Variants in SYAP1 observed in about 807,000 individuals in gnomAD.
The protein encoded by SYAP1 is synapse-associated protein 1.
In SYAP1, 3 loss-of-function variants were observed where a neutral mutation model predicts 29.6. The ratio of observed to expected loss-of-function variants is 0.10; its 90% CI spans 0.05 to 0.26. SYAP1 has a LOEUF of 0.26. Ranked by LOEUF, SYAP1 falls within the 10% of genes least tolerant of loss-of-function variation. SYAP1 has a pLI of 1.00. For synonymous variants in SYAP1, 102 were observed against 102.7 expected (o/e 0.99, Z 0.04); for missense variants, 217 against 264.1 (o/e 0.82, Z 1.24).
intron 5 of SYAP1, among the ~76,000 whole-genome samples, chrX:16,752,364 GATTATTATTATTATT>G (rs202245644): frequency 1.2e-4 from 12 of 96,128 alleles, no homozygotes; most frequent in Admixed American, 6.1e-4. Flanking sequence ...GTTATCAATG[GATTATTATTATTATT>G]ATTATTATTA....
intron 1 of SYAP1, among the ~76,000 whole-genome samples, chrX:16,732,766 G>A (rs774878793): frequency 3.3e-4 from 37 of 111,839 alleles, no homozygotes; most frequent in Non-Finnish European, 4.3e-4. Context: ...CTCAATCTTA[G>A]CATTTGTTCT....
intron 1 of SYAP1, among the ~76,000 whole-genome samples, chrX:16,725,842 TAAA>T (rs1178026827): frequency 8.9e-6 from 1 of 112,461 alleles, no homozygotes; most frequent in Admixed American, 9.5e-5. Context: ...ATGATTATGC[TAAA>T]ATACCAGTTT....
chrX:16,763,865 G>T lies in SYAP1; in HGVS notation c.*3506G>T. ...CTTGCAGTATTTTATTTGCCTCTTTGACGGCTTTTTTTTTTTTTTTTTTTT... is the reference window on the plus strand; with the variant it reads ...CTTGCAGTATTTTATTTGCCTCTTTTACGGCTTTTTTTTTTTTTTTTTTTT... On this transcript the variant is annotated 3_prime_UTR_variant, in exon 9 of 9. Transcript: ENST00000380155. 1 of 96,334 alleles carries T rather than the reference G, an allele frequency of 1.0e-5. No individual in the cohort carries two copies. Among genetic ancestry groups the T allele is most frequent in the Non-Finnish European group, 2.0e-5 (1 of 49,912 alleles). The allele number at this position is 96,334 out of a possible 1,213,427, so 7.9% of individuals were successfully genotyped here.
At chrX:16,753,402 A>G (rs762331556) in intron 5 of SYAP1, among the ~76,000 whole-genome samples, 1 of 110,321 alleles carries the variant, frequency 9.1e-6, no homozygotes, top group African/African-American at 3.3e-5. Context: ...TGACAGAGTG[A>G]GACTTTGTCT....
chrX:16,744,494 G>A (rs993975706), intron 5 of SYAP1, among the ~76,000 whole-genome samples: 2 of 112,599 alleles, frequency 1.8e-5, no homozygotes, highest in African/African-American at 3.2e-5. Flanking sequence ...TATGGGTGCA[G>A]TATCTTACTG....
rs1926330659 is a variant in SYAP1, at chrX:16,736,473, G to T, written c.361+241G>T. 10 of 310,098 alleles carry T rather than the reference G, an allele frequency of 3.2e-5. No homozygotes were observed. In the South Asian group the frequency reaches 8.4e-4, roughly 26 times the overall value. 25.6% of individuals were successfully genotyped at this position (310,098 alleles called of 1,213,427 possible). ...CCCCACTGGGGAGCTGGCTGTGAAA[G>T]GGGCAAGTAAGCTTTCAGTTCTGAC... On this transcript the variant is annotated intron_variant, in intron 3 of 8. Coordinates refer to ENST00000380155, the MANE Select transcript of SYAP1 (RefSeq NM_032796.4).
chrX:16,723,463 G>A (rs752555106), intron 1 of SYAP1, among the ~76,000 whole-genome samples: 4 of 111,867 alleles, frequency 3.6e-5, no homozygotes, highest in Non-Finnish European at 5.6e-5. Flanking sequence ...ACCTGAGGCT[G>A]TGGGGTAGAA....
At chrX:16,746,980 A>C (rs1044010760) in intron 5 of SYAP1, among the ~76,000 whole-genome samples, 1 of 111,984 alleles carries the variant, frequency 8.9e-6, no homozygotes, top group African/African-American at 3.2e-5. Context: ...AAAAAGTATT[A>C]TTTTTTAGAG....
At chrX:16,742,920 A>ATT (rs761130108) in intron 4 of SYAP1, among the ~76,000 whole-genome samples, 404 of 62,782 alleles carry the variant, frequency 6.4e-3, no homozygotes, top group Non-Finnish European at 7.1e-3. Context: ...GTCCGCTTCT[A>ATT]TTTTTTTTTT....
chrX:16,738,723 GGA>G (rs955529738), intron 3 of SYAP1, among the ~76,000 whole-genome samples: 7 of 111,803 alleles, frequency 6.3e-5, no homozygotes, highest in African/African-American at 2.3e-4. Flanking sequence ...TGGACAACTA[GGA>G]GAGAGAAGTA....
At chrX:16,748,369 C>G (rs972132899) in intron 5 of SYAP1, among the ~76,000 whole-genome samples, 3 of 112,721 alleles carry the variant, frequency 2.7e-5, no homozygotes, top group East Asian at 2.8e-4. Context: ...GGTTTCCAGA[C>G]TTTTCCTGCC....
intron 1 of SYAP1, among the ~76,000 whole-genome samples, chrX:16,729,485 AT>A (rs200479115): frequency 0.43 from 39,733 of 92,954 alleles, 8,490 homozygotes; most frequent in African/African-American, 0.73. Context: ...GATTTTATCG[AT>A]TTTTTTTTTT....
rs1246083928 is a variant in SYAP1 at position 16,746,306 on chromosome X, G to A, written c.575+2466G>A. Among the ~76,000 whole-genome samples the A allele has an allele frequency of 1.9e-5, 2 of 104,834 alleles. 1 individual carries two copies. Among genetic ancestry groups the A allele is most frequent in the South Asian group, 8.5e-4 (2 of 2,342 alleles). 91.0% of individuals were successfully genotyped at this position (104,834 alleles called of 115,157 possible). A position where few individuals can be genotyped will look rare whatever the true frequency, so the allele number is the denominator to read the frequency against. ...GGCTGGAGTGCAATGGCGTGATCTC[G>A]GCTCACTGCAACCTCCGCCTCCTGG... On this transcript the variant is annotated intron_variant, in intron 5 of 8. Coordinates refer to ENST00000380155, the MANE Select transcript of SYAP1 (RefSeq NM_032796.4).
intron 3 of SYAP1, 93 bp from the exon 4 acceptor site, chrX:16,741,623 C>A: frequency 1.7e-6 from 1 of 592,954 alleles, no homozygotes; most frequent in South Asian, 3.5e-5. Flanking sequence ...AGTGGTCATG[C>A]AGAAACTTTC....
Position 16,763,753 on chromosome X carries a change from G to A in SYAP1, c.*3394G>A, listed in dbSNP as rs780506590. Reference sequence around the variant, plus strand: ...ATTTAAGATGCACTATTGTAATCAAGATGATTTGCTTTAATCAAAATATTG... The same window carrying A: ...ATTTAAGATGCACTATTGTAATCAAAATGATTTGCTTTAATCAAAATATTG... On this transcript the variant is annotated 3_prime_UTR_variant, in exon 9 of 9. Coordinates refer to ENST00000380155, the MANE Select transcript of SYAP1 (RefSeq NM_032796.4). 9.0e-6 allele frequency: 1 copy of A among 111,548 alleles called. No individual in the cohort carries two copies. Among genetic ancestry groups the A allele is most frequent in the East Asian group, 2.8e-4 (1 of 3,573 alleles). The allele number at this position is 111,548 out of a possible 1,213,427, so 9.2% of individuals were successfully genotyped here. A position where few individuals can be genotyped will look rare whatever the true frequency, so the allele number is the denominator to read the frequency against.
chrX:16,752,432 T>G (rs1336294912), intron 5 of SYAP1, among the ~76,000 whole-genome samples: 1 of 107,086 alleles, frequency 9.3e-6, no homozygotes, highest in Admixed American at 1.0e-4. Context: ...ATGGAAAAAT[T>G]GGAGGTACAA....
At chrX:16,756,532 A>G in intron 6 of SYAP1, 131 bp from the exon 7 acceptor site, 1 of 568,540 alleles carries the variant, frequency 1.8e-6, no homozygotes, top group Non-Finnish European at 2.8e-6. Flanking sequence ...AGAAAAGCTG[A>G]AAGCATAACA....
chrX:16,753,962 C>A (rs760946667), intron 5 of SYAP1, among the ~76,000 whole-genome samples: 4 of 110,912 alleles, frequency 3.6e-5, no homozygotes, highest in African/African-American at 1.3e-4. Flanking sequence ...AGGCCACCCC[C>A]CTGTGTGGAC....
intron 8 of SYAP1, among the ~76,000 whole-genome samples, chrX:16,759,550 C>T (rs1287716568): frequency 9.0e-6 from 1 of 111,633 alleles, no homozygotes; most frequent in Non-Finnish European, 1.9e-5. Flanking sequence ...GAGCTCCAGT[C>T]AGAACACCAT....
Sources: gnomAD v4.1 joint callset for allele counts (sites outside exome capture counted in the v4.1 genomes callset) on GRCh38, gnomAD v4.1.1 for gene constraint, MANE v1.5 for transcripts, NCBI Gene and HGNC (gene_info 2026-07-23, HGNC 2026-07-21) for gene names.